OSBPL8: variants seen among roughly 807,000 people sequenced by gnomAD.
The protein encoded by OSBPL8 is oxysterol-binding protein-related protein 8.
A neutral mutation model predicts 125.5 loss-of-function variants in OSBPL8; 59 were observed. The ratio of observed to expected loss-of-function variants is 0.47; its 90% CI spans 0.38 to 0.58. The LOEUF is 0.58. OSBPL8 is among the 20% of genes least tolerant of loss of function. OSBPL8 has a pLI of 0.00. For synonymous variants in OSBPL8, 330 were observed against 338.9 expected (o/e 0.97, Z 0.29); for missense variants, 758 against 1,047.8 (o/e 0.72, Z 3.82).
At position 76,526,871 on chromosome 12, in the gene OSBPL8, G is replaced by A. The variant is rs186262534; in HGVS notation, c.-68+32526C>T. ...TCACCATGTTGGCCAGGCTGGTCTC[G>A]AACTCCTGACCTCAGGTGATCCACC... On this transcript the variant is annotated intron_variant, in intron 1 of 23. Coordinates refer to ENST00000261183, the MANE Select transcript of OSBPL8 (RefSeq NM_020841.5). Among the ~76,000 whole-genome samples, 39 of 151,632 alleles carry A rather than the reference G, an allele frequency of 2.6e-4. 1 individual carries two copies. Among genetic ancestry groups the A allele is most frequent in the South Asian group, 6.3e-4 (3 of 4,794 alleles).
At chr12:76,393,309 T>C (rs1953642706) in intron 9 of OSBPL8, among the ~76,000 whole-genome samples, 2 of 152,228 alleles carry the variant, frequency 1.3e-5, no homozygotes, top group Admixed American at 6.5e-5. Context: ...TTTTCATTTA[T>C]ATTTGTTTAG....
intron 1 of OSBPL8, among the ~76,000 whole-genome samples, chr12:76,558,229 A>G (rs1951168369): frequency 6.6e-6 from 1 of 152,232 alleles, no homozygotes; most frequent in African/African-American, 2.4e-5. Flanking sequence ...CCTATTTTAT[A>G]AAACTAGCAT....
At chr12:76,402,953 A>G (rs1282222287) in intron 5 of OSBPL8, among the ~76,000 whole-genome samples, 187 bp from the exon 6 acceptor site, 2 of 152,246 alleles carry the variant, frequency 1.3e-5, no homozygotes, top group Non-Finnish European at 2.9e-5. Flanking sequence ...TAAATATAAA[A>G]AAGTTAAAAC....
intron 4 of OSBPL8, among the ~76,000 whole-genome samples, chr12:76,413,633 A>AT (rs1322407040): frequency 6.6e-6 from 1 of 152,048 alleles, no homozygotes; most frequent in African/African-American, 2.4e-5. Flanking sequence ...AACTCTTAAT[A>AT]TTTTTGGCAG....
intron 1 of OSBPL8, among the ~76,000 whole-genome samples, chr12:76,493,948 T>G (rs774985070): frequency 6.6e-6 from 1 of 152,196 alleles, no homozygotes; most frequent in Admixed American, 6.5e-5. Flanking sequence ...AGTTCTTTCT[T>G]ATGCTTGATC....
chr12:76,412,278 C>T (rs7310989), intron 4 of OSBPL8, among the ~76,000 whole-genome samples: 4 of 151,994 alleles, frequency 2.6e-5, no homozygotes, highest in Admixed American at 6.6e-5. Flanking sequence ...CAATCTATGG[C>T]GTTAGAGGTT....
At chr12:76,481,662 T>C (rs1877507534) in intron 2 of OSBPL8, among the ~76,000 whole-genome samples, 1 of 152,108 alleles carries the variant, frequency 6.6e-6, no homozygotes, top group South Asian at 2.1e-4. Flanking sequence ...AAAATGTGAA[T>C]ACTATTGTTA....
chr12:76,369,503 C>A, intron 20 of OSBPL8, 134 bp downstream of exon 20: 2 of 1,341,926 alleles, frequency 1.5e-6, no homozygotes, highest in South Asian at 3.2e-5. Context: ...GAATGCAAAA[C>A]CAAGTTTAAA....
At chr12:76,532,789 A>T (rs1312293436) in intron 1 of OSBPL8, among the ~76,000 whole-genome samples, 2 of 152,114 alleles carry the variant, frequency 1.3e-5, no homozygotes, top group East Asian at 3.8e-4. Context: ...TCACAAGCAG[A>T]GTGATCACGT....
At chr12:76,365,678 G>A (rs779651199) in intron 21 of OSBPL8, among the ~76,000 whole-genome samples, 5 of 152,098 alleles carry the variant, frequency 3.3e-5, no homozygotes, top group Non-Finnish European at 7.4e-5. Context: ...TGTTCCTGAT[G>A]TTACGGGGAA....
At chr12:76,437,528 CT>C (rs1871612846) in intron 4 of OSBPL8, among the ~76,000 whole-genome samples, 1 of 152,152 alleles carries the variant, frequency 6.6e-6, no homozygotes, top group South Asian at 2.1e-4. Flanking sequence ...GAGTACTTAA[CT>C]TTCTCTGGAT....
At chr12:76,552,733 A>G (rs973609152) in intron 1 of OSBPL8, among the ~76,000 whole-genome samples, 2 of 152,096 alleles carry the variant, frequency 1.3e-5, no homozygotes, top group African/African-American at 4.8e-5. Context: ...TGGCCACCCC[A>G]AGTCAGCATA....
chr12:76,542,254 T>C (rs991248341), intron 1 of OSBPL8, among the ~76,000 whole-genome samples: 8 of 152,240 alleles, frequency 5.3e-5, no homozygotes, highest in African/African-American at 1.9e-4. Flanking sequence ...CCAGTACTTT[T>C]AGTTCTTCTG....
intron 1 of OSBPL8, among the ~76,000 whole-genome samples, chr12:76,515,083 T>A (rs79807479): frequency 0.041 from 6,283 of 152,254 alleles, 463 homozygotes; most frequent in African/African-American, 0.14. Context: ...TTGGATTGGA[T>A]TTTTCTGTAC....
At chr12:76,551,616 C>G (rs1950940206) in intron 1 of OSBPL8, among the ~76,000 whole-genome samples, 2 of 152,162 alleles carry the variant, frequency 1.3e-5, no homozygotes, top group Non-Finnish European at 2.9e-5. Flanking sequence ...TTATGATTAG[C>G]CTGAATACAG....
chr12:76,546,885 TA>T (rs546179008), intron 1 of OSBPL8, among the ~76,000 whole-genome samples: 78 of 152,080 alleles, frequency 5.1e-4, no homozygotes, highest in Middle Eastern at 3.4e-3. Flanking sequence ...TGAGCAAATT[TA>T]AAAAAAATGT....
At chr12:76,535,532 T>C (rs1030338305) in intron 1 of OSBPL8, among the ~76,000 whole-genome samples, 1 of 152,154 alleles carries the variant, frequency 6.6e-6, no homozygotes, top group Non-Finnish European at 1.5e-5. Flanking sequence ...ACAGCTACTC[T>C]TAAGTATTTA....
At chr12:76,368,929 G>A (rs1329251510) in intron 21 of OSBPL8, among the ~76,000 whole-genome samples, 3 of 152,068 alleles carry the variant, frequency 2.0e-5, no homozygotes, top group African/African-American at 7.2e-5. Context: ...GATGGACCTG[G>A]GGCAAGGGCA....
chr12:76,392,935 G>A (rs1953625591), intron 9 of OSBPL8, among the ~76,000 whole-genome samples, 183 bp from the exon 10 acceptor site: 1 of 152,028 alleles, frequency 6.6e-6, no homozygotes, highest in Non-Finnish European at 1.5e-5. Flanking sequence ...CACATACTAA[G>A]CACACCACTG....
Sources: allele counts gnomAD v4.1 joint callset (sites outside exome capture counted in the v4.1 genomes callset), GRCh38; gene constraint gnomAD v4.1.1; transcripts MANE v1.5; gene names NCBI Gene and HGNC (gene_info 2026-07-23, HGNC 2026-07-21).